Variants in PHKB observed in about 807,000 individuals in gnomAD.
The protein encoded by PHKB is phosphorylase kinase regulatory subunit beta.
In PHKB, 122 loss-of-function variants were observed where a neutral mutation model predicts 152.1. That is an observed-to-expected ratio of 0.80 (90% CI 0.69 to 0.93). The LOEUF (loss-of-function observed/expected upper bound fraction) is 0.93, where lower values mean the gene tolerates loss of function less well. Ranked by LOEUF, PHKB falls within the 40% of genes least tolerant of loss-of-function variation. The pLI is 0.00. For synonymous variants in PHKB, 436 were observed against 464.9 expected (o/e 0.94, Z 0.80); for missense variants, 1,304 against 1,328.4 (o/e 0.98, Z 0.29).
chr16:47,546,928 C>T (rs1971180096), intron 6 of PHKB, among the ~76,000 whole-genome samples: 1 of 152,150 alleles, frequency 6.6e-6, no homozygotes, highest in South Asian at 2.1e-4. Context: ...AGGATATAAT[C>T]TCCTGGTGTG....
intron 14 of PHKB, among the ~76,000 whole-genome samples, chr16:47,639,427 T>TGGG (rs1972978159): frequency 6.6e-6 from 1 of 152,196 alleles, no homozygotes; most frequent in African/African-American, 2.4e-5. Flanking sequence ...CAATGGTGAA[T>TGGG]GGGGCAAAAG....
intron 2 of PHKB, 36 bp from the exon 3 acceptor site, chr16:47,499,720 T>C: frequency 6.2e-7 from 1 of 1,613,556 alleles, no homozygotes; most frequent in Non-Finnish European, 8.5e-7. Context: ...AGTCGCTGAC[T>C]GTACAGTTCA....
At chr16:47,601,917 T>C (rs1036107530) in intron 13 of PHKB, among the ~76,000 whole-genome samples, 3 of 152,190 alleles carry the variant, frequency 2.0e-5, no homozygotes, top group African/African-American at 7.2e-5. Context: ...TTTGAAAACA[T>C]TAATAAACAT....
chr16:47,490,507 A>C (rs1268141238), intron 1 of PHKB, among the ~76,000 whole-genome samples: 2 of 152,186 alleles, frequency 1.3e-5, no homozygotes, highest in Non-Finnish European at 2.9e-5. Context: ...TCATTCTGGC[A>C]ATCCCATGTA....
rs559855720 is a variant in PHKB at position 47,475,302 on chromosome 16, A to G, written c.76+13876A>G. ...TATAAGTGTTTGCTGATATATTTTGAAGATGGAAGTTGGGACATCTCAAGT... is the reference window on the plus strand; with the variant it reads ...TATAAGTGTTTGCTGATATATTTTGGAGATGGAAGTTGGGACATCTCAAGT... On this transcript the variant is annotated intron_variant, in intron 1 of 30. Coordinates refer to ENST00000323584, the MANE Select transcript of PHKB (RefSeq NM_000293.3). Among the ~76,000 whole-genome samples, 128 of 152,312 alleles carry G rather than the reference A, an allele frequency of 8.4e-4. 1 individual carries two copies. Among genetic ancestry groups the G allele is most frequent in the African/African-American group, 2.9e-3 (122 of 41,582 alleles).
chr16:47,662,719 T>C (rs1480931374), intron 23 of PHKB, among the ~76,000 whole-genome samples: 2 of 152,208 alleles, frequency 1.3e-5, no homozygotes, highest in Non-Finnish European at 2.9e-5. Context: ...GAATCTTGCA[T>C]GTTTCTAATT....
rs560150420 is a variant in PHKB at position 47,490,807 on chromosome 16, C to A, written c.77-6592C>A. Among the ~76,000 whole-genome samples, 173 of 152,310 alleles carry A rather than the reference C, an allele frequency of 1.1e-3. 1 individual carries two copies. Among genetic ancestry groups the A allele is most frequent in the Middle Eastern group, 3.4e-3 (1 of 294 alleles). The stretch of plus-strand genomic sequence containing the variant: ...CCCCAAGAGTACCCTGTTGTGCTTT[C>A]ATTCCAATGCTCAACCCACAGAGAA... On this transcript the variant is annotated intron_variant, in intron 1 of 30. Coordinates refer to ENST00000323584, the MANE Select transcript of PHKB (RefSeq NM_000293.3).
intron 1 of PHKB, among the ~76,000 whole-genome samples, chr16:47,468,124 T>C (rs2151626717): frequency 6.6e-6 from 1 of 152,346 alleles, no homozygotes; most frequent in Middle Eastern, 3.4e-3. Flanking sequence ...TAAATCTTTC[T>C]ACTCCACCTC....
chr16:47,619,110 A>G (rs1408994355), intron 14 of PHKB: 1 of 152,202 alleles, frequency 6.6e-6, no homozygotes, highest in Non-Finnish European at 1.5e-5. Flanking sequence ...TCTGAGACAA[A>G]TATTATATCC....
At chr16:47,634,427 T>C (rs1183086994) in intron 14 of PHKB, among the ~76,000 whole-genome samples, 2 of 152,214 alleles carry the variant, frequency 1.3e-5, no homozygotes, top group Non-Finnish European at 2.9e-5. Flanking sequence ...GAGGTGGCAG[T>C]AGACCAGCTA....
chr16:47,488,887 T>A (rs1970096519), intron 1 of PHKB, among the ~76,000 whole-genome samples: 1 of 152,198 alleles, frequency 6.6e-6, no homozygotes, highest in Non-Finnish European at 1.5e-5. Flanking sequence ...GTGTGATGCC[T>A]CCAGCTTTGT....
intron 1 of PHKB, among the ~76,000 whole-genome samples, chr16:47,490,467 A>G (rs1003438010): frequency 6.6e-6 from 1 of 152,198 alleles, no homozygotes; most frequent in African/African-American, 2.4e-5. Context: ...ATTAGTATTC[A>G]CCAAAATATA....
rs143602657 is a variant in PHKB, at chr16:47,596,475, G to C, written c.1307G>C (p.Arg436Pro). 1 of 1,613,702 alleles carries C rather than the reference G, an allele frequency of 6.2e-7. No homozygotes were observed. Among genetic ancestry groups the C allele is most frequent in the African/African-American group, 1.3e-5 (1 of 74,896 alleles). ...AAACGATTTCCTAGCAACTGTGGCC[G>C]TGATGGAAAACTGTTTCTTTGGGGA... Reference protein sequence around the residue: ...SQKRFPSNCGRDGKLFLWGQA... With the variant: ...SQKRFPSNCGPDGKLFLWGQA... Residue 436 changes from arginine to proline, a missense_variant, in exon 13 of 31, where the codon CGT (arginine) becomes CCT (proline). Coordinates refer to ENST00000323584, the MANE Select transcript of PHKB (RefSeq NM_000293.3).
intron 8 of PHKB, among the ~76,000 whole-genome samples, chr16:47,585,220 A>G (rs774532829): frequency 1.3e-5 from 2 of 152,260 alleles, no homozygotes; most frequent in African/African-American, 4.8e-5. Flanking sequence ...TTTTCAGGAA[A>G]TGGAAGATGA....
In PHKB at chr16:47,664,833, A is replaced by G. The variant is rs182097708; in HGVS notation, c.2337-52A>G. ...CTGTTATGTTTGGAAGAACTCCTGG[A>G]AGTTTTATTTACTCTATTTTCCCTT... On this transcript the variant is annotated intron_variant, in intron 24 of 30. Transcript: ENST00000323584. 3,457 of 1,126,466 alleles carry G rather than the reference A, an allele frequency of 3.1e-3. 10 individuals are homozygous for G. Among genetic ancestry groups the G allele is most frequent in the Non-Finnish European group, 4.2e-3 (3,128 of 743,796 alleles). 69.8% of individuals were successfully genotyped at this position (1,126,466 alleles called of 1,614,324 possible). A position where few individuals can be genotyped will look rare whatever the true frequency, so the allele number is the denominator to read the frequency against.
chr16:47,566,454 T>A, intron 7 of PHKB: 2 of 1,609,338 alleles, frequency 1.2e-6, no homozygotes, highest in Non-Finnish European at 1.7e-6. Context: ...GAGCAGGGAA[T>A]CCAGGTCCTC....
chr16:47,594,303 T>G (rs1972081649), intron 12 of PHKB, 89 bp downstream of exon 12: 1 of 722,698 alleles, frequency 1.4e-6, no homozygotes, highest in Non-Finnish European at 2.5e-6. Flanking sequence ...TAAAAAACAA[T>G]AATTTGTATT....
intron 5 of PHKB, 98 bp downstream of exon 5, chr16:47,511,870 A>G (rs1301751466): frequency 8.2e-5 from 66 of 806,000 alleles, no homozygotes; most frequent in Admixed American, 5.5e-5. Context: ...TGTGGAAAAC[A>G]AGTTTTCCAC....
intron 30 of PHKB, 48 bp from the exon 31 acceptor site, chr16:47,699,181 C>G (rs762353620): frequency 3.1e-5 from 50 of 1,601,766 alleles, no homozygotes; most frequent in East Asian, 2.9e-4. Context: ...CCTGTCAACT[C>G]TTTACAAACA....
Sources: gnomAD v4.1 joint callset for allele counts (sites outside exome capture counted in the v4.1 genomes callset) on GRCh38, gnomAD v4.1.1 for gene constraint, MANE v1.5 for transcripts, NCBI Gene and HGNC (gene_info 2026-07-23, HGNC 2026-07-21) for gene names.